PADI2: variants seen among roughly 807,000 people sequenced by gnomAD.
The protein encoded by PADI2 is peptidyl arginine deiminase 2.
A neutral mutation model predicts 81.1 loss-of-function variants in PADI2; 70 were observed. The observed-to-expected ratio is 0.86, with a 90% confidence interval of 0.71 to 1.05. The LOEUF (loss-of-function observed/expected upper bound fraction) is 1.05. Among genes scored for constraint, PADI2 ranks in the 50% least tolerant of loss-of-function variants. The pLI is 0.00. For missense variants in PADI2, 853 were observed against 889.9 expected, an observed-to-expected ratio of 0.96 and a Z score of 0.53; for synonymous variants, 338 against 358.0, an observed-to-expected ratio of 0.94 and a Z score of 0.63.
At chr1:17,092,858 A>C (rs1930751744) in intron 5 of PADI2, among the ~76,000 whole-genome samples, 1 of 147,960 alleles carries the variant, frequency 6.8e-6, no homozygotes, top group Admixed American at 6.7e-5. Context: ...CTGAGGCAGG[A>C]GGATGGCTTG....
intron 4 of PADI2, among the ~76,000 whole-genome samples, chr1:17,093,903 C>G (rs2235920): frequency 0.45 from 68,036 of 152,090 alleles, 16,385 homozygotes; most frequent in Non-Finnish European, 0.55. Flanking sequence ...GGAAGGCTGA[C>G]TGAGGCATTT....
At chr1:17,098,036 AC>A (rs1374925645) in intron 3 of PADI2, among the ~76,000 whole-genome samples, 2 of 151,558 alleles carry the variant, frequency 1.3e-5, no homozygotes, top group African/African-American at 4.9e-5. Context: ...AGGCGTGACC[AC>A]CCCCACCCCC....
At chr1:17,071,975 A>T (rs1320201042) in intron 13 of PADI2, among the ~76,000 whole-genome samples, 1 of 152,198 alleles carries the variant, frequency 6.6e-6, no homozygotes, top group Non-Finnish European at 1.5e-5. Context: ...TTCCAGCTTG[A>T]TTAGTAATGC....
At chr1:17,085,450 G>A (rs2078377652) in intron 7 of PADI2, among the ~76,000 whole-genome samples, 1 of 152,132 alleles carries the variant, frequency 6.6e-6, no homozygotes, top group African/African-American at 2.4e-5. Flanking sequence ...CTGGGCATGG[G>A]TGCCATAAGA....
chr1:17,092,792 A>G (rs769048425), intron 5 of PADI2, among the ~76,000 whole-genome samples: 2 of 151,254 alleles, frequency 1.3e-5, no homozygotes, highest in Admixed American at 6.6e-5. Flanking sequence ...TTACAAAAAT[A>G]AAAAAAATTA....
chr1:17,086,177 G>A (rs934397416), intron 7 of PADI2, among the ~76,000 whole-genome samples: 1 of 152,172 alleles, frequency 6.6e-6, no homozygotes, highest in Non-Finnish European at 1.5e-5. Context: ...ACCCCACCTG[G>A]GTGGCTGCTT....
chr1:17,073,920 AG>A (rs2078282502), intron 13 of PADI2, among the ~76,000 whole-genome samples: 1 of 152,212 alleles, frequency 6.6e-6, no homozygotes, highest in South Asian at 2.1e-4. Context: ...TAAACGTAGA[AG>A]ATAATGTCTC....
chr1:17,072,538 C>G (rs1357203862), intron 13 of PADI2, among the ~76,000 whole-genome samples: 1 of 152,180 alleles, frequency 6.6e-6, no homozygotes, highest in African/African-American at 2.4e-5. Flanking sequence ...GGCTCTTTGG[C>G]ATTGCCTGGT....
intron 7 of PADI2, among the ~76,000 whole-genome samples, chr1:17,086,019 G>T (rs535412658): frequency 1.6e-4 from 25 of 152,328 alleles, no homozygotes; most frequent in African/African-American, 5.3e-4. Flanking sequence ...CAAGAGCAAG[G>T]CTGGCTGAGA....
At chr1:17,075,014 C>T (rs981940394) in intron 12 of PADI2, 65 bp from the exon 13 acceptor site, 2 of 1,051,944 alleles carry the variant, frequency 1.9e-6, no homozygotes, top group Non-Finnish European at 2.9e-6. Context: ...CACGGGGAGG[C>T]CCTGCGCTGA....
chr1:17,114,360 G>A (rs961170117), intron 1 of PADI2, among the ~76,000 whole-genome samples: 9 of 152,158 alleles, frequency 5.9e-5, no homozygotes, highest in South Asian at 4.1e-4. Context: ...GAGGAGGCAC[G>A]CCTGAAACAT....
chr1:17,095,807 T>C (rs2076608), intron 4 of PADI2, 102 bp downstream of exon 4: 528,310 of 870,144 alleles, frequency 0.61, 162,310 homozygotes, highest in African/African-American at 0.68. Flanking sequence ...TGTCTTGGGC[T>C]TTAGTCTCCT....
intron 3 of PADI2, among the ~76,000 whole-genome samples, chr1:17,098,971 C>T (rs1931045306): frequency 6.6e-6 from 1 of 152,196 alleles, no homozygotes; most frequent in Admixed American, 6.5e-5. Context: ...GGCCTCCAGG[C>T]TCCAGACGAC....
intron 6 of PADI2, among the ~76,000 whole-genome samples, chr1:17,090,581 T>TGGTGTGTG (rs1553182498): frequency 7.0e-6 from 1 of 142,740 alleles, no homozygotes; most frequent in Non-Finnish European, 1.5e-5. Context: ...CGTCCTTTGC[T>TGGTGTGTG]TGTGTGTGTG....
chr1:17,101,590 C>T (rs1931144618), intron 3 of PADI2, among the ~76,000 whole-genome samples: 1 of 152,158 alleles, frequency 6.6e-6, no homozygotes, highest in Non-Finnish European at 1.5e-5. Flanking sequence ...CTCCTTGGGA[C>T]AGAAAGAGGG....
chr1:17,087,478 ATGTT>A lies in PADI2; in HGVS notation c.656-783_656-780del, dbSNP rs934200103. Among the ~76,000 whole-genome samples the A allele has an allele frequency of 2.1e-4, 29 of 136,036 alleles. No individual in the cohort carries two copies. In the East Asian group the frequency reaches 3.9e-3, roughly 18 times the overall value. 89.2% of individuals were successfully genotyped at this position (136,036 alleles called of 152,430 possible). On this transcript the variant is annotated intron_variant, in intron 6 of 15. Coordinates refer to ENST00000375486, the MANE Select transcript of PADI2 (RefSeq NM_007365.3). ...CTGCCATCTCCATCACAGTCTTTTT[ATGTT>A]TGTTTGTTTGTTTATTTATTTATTT... is the stretch of plus-strand genomic sequence containing the variant.
rs1423417670 is a variant in PADI2 at position 17,086,677 on chromosome 1, A to T, written c.678T>A (p.Tyr226Ter). ...GCTTCCGCCGGCCCAGGATGTGGAT[A>T]TAGCGTTGGCCGAAGAACGGGTCTG... ...YVENPFFGQR[Y>*]IHILGRRKLY... Residue 226 changes from tyrosine to a stop codon, truncating the protein, a stop_gained, in exon 7 of 16, where the codon TAT (tyrosine) becomes TAA (stop). Coordinates refer to ENST00000375486, the MANE Select transcript of PADI2 (RefSeq NM_007365.3). LOFTEE classifies it high-confidence loss of function. The T allele has an allele frequency of 6.2e-7, 1 of 1,613,892 alleles. No homozygotes were observed. The highest frequency in any genetic ancestry group is 1.7e-5 in the Admixed American group (1 of 59,990).
chr1:17,095,888 C>T (rs781286037), intron 4 of PADI2, 21 bp downstream of exon 4: 1 of 1,597,160 alleles, frequency 6.3e-7, no homozygotes, highest in Non-Finnish European at 8.6e-7. Flanking sequence ...CAGGGTGGTG[C>T]CTGCCCTGAA....
chr1:17,081,846 C>T (rs917909621), intron 10 of PADI2, among the ~76,000 whole-genome samples: 1 of 152,172 alleles, frequency 6.6e-6, no homozygotes, highest in African/African-American at 2.4e-5. Context: ...AGTACAGTGG[C>T]TCACACCTGT....
Sources: gnomAD v4.1 joint callset for allele counts (sites outside exome capture counted in the v4.1 genomes callset) on GRCh38, gnomAD v4.1.1 for gene constraint, MANE v1.5 for transcripts, NCBI Gene and HGNC (gene_info 2026-07-23, HGNC 2026-07-21) for gene names.